The following C9 variants were observed in gnomAD, a reference collection of about 807,000 sequenced individuals.
C9 encodes the protein complement C9.
C9 carries 63 observed loss-of-function variants against 65.4 expected under a neutral mutation model. That is an observed-to-expected ratio of 0.96 (90% CI 0.79 to 1.19). The LOEUF (loss-of-function observed/expected upper bound fraction) is 1.19. Ranked by LOEUF, C9 falls within the 50% of genes most tolerant of loss-of-function variation. C9 has a pLI of 0.00. For missense variants in C9, 744 were observed against 670.1 expected, an observed-to-expected ratio of 1.11 and a Z score of -1.22; for synonymous variants, 229 against 227.9, an observed-to-expected ratio of 1.00 and a Z score of -0.04.
At chr5:39,335,862 A>G (rs1414922429) in intron 4 of C9, among the ~76,000 whole-genome samples, 1 of 152,170 alleles carries the variant, frequency 6.6e-6, no homozygotes, top group Non-Finnish European at 1.5e-5. Flanking sequence ...GGATGGGGCT[A>G]GTGCAGGAGA....
At chr5:39,317,508 T>G (rs1182442513) in intron 5 of C9, among the ~76,000 whole-genome samples, 1 of 152,202 alleles carries the variant, frequency 6.6e-6, no homozygotes, top group Non-Finnish European at 1.5e-5. Context: ...CCATCTTGAG[T>G]TAATTTTTGT....
chr5:39,331,750 A>G lies in C9; in HGVS notation c.541T>C (p.Cys181Arg). 1 of 1,613,132 alleles carries G rather than the reference A, an allele frequency of 6.2e-7. No individual in the cohort carries two copies. Among genetic ancestry groups the G allele is most frequent in the East Asian group, 2.2e-5 (1 of 44,868 alleles). The part of the protein sequence containing the change: ...PFDNEFYNGL[C>R]NRDRDGNTLT... ...GTGTTTCCATCCCGATCCCGGTTAC[A>G]GAGTCCATTGTAGAACTCATTGTCA... The change falls in exon 5 of 11, where the codon TGT becomes CGT. Residue 181 changes from cysteine (C) to arginine (R), a missense_variant. Physicochemically the swap from Cys to Arg is radical, Grantham distance 180. Coordinates refer to ENST00000263408, the MANE Select transcript of C9 (RefSeq NM_001737.5).
At chr5:39,346,755 T>C (rs1754205488) in intron 1 of C9, among the ~76,000 whole-genome samples, 1 of 152,160 alleles carries the variant, frequency 6.6e-6, no homozygotes, top group South Asian at 2.1e-4. Context: ...TGATGAACAT[T>C]GATGCAAAAA....
intron 6 of C9, among the ~76,000 whole-genome samples, chr5:39,313,227 A>G (rs1753517865): frequency 6.6e-6 from 1 of 152,090 alleles, no homozygotes. Context: ...AAATTTATTC[A>G]GTTTTCTATA....
chr5:39,351,842 C>T (rs1406184879), intron 1 of C9, among the ~76,000 whole-genome samples: 1 of 152,218 alleles, frequency 6.6e-6, no homozygotes, highest in African/African-American at 2.4e-5. Flanking sequence ...GACCTCCAAA[C>T]TCTTCCAACC....
intron 4 of C9, among the ~76,000 whole-genome samples, chr5:39,334,033 C>T (rs2111935596): frequency 6.6e-6 from 1 of 151,856 alleles, no homozygotes; most frequent in East Asian, 1.9e-4. Context: ...CCGGCCGCCA[C>T]CCCGTCTGGG....
intron 4 of C9, among the ~76,000 whole-genome samples, chr5:39,340,257 C>T (rs1203151737): frequency 6.6e-6 from 1 of 152,168 alleles, no homozygotes; most frequent in East Asian, 1.9e-4. Flanking sequence ...AGACACATTA[C>T]ATTATAGGTG....
intron 9 of C9, among the ~76,000 whole-genome samples, chr5:39,299,325 TAGAGA>T (rs1159917474): frequency 6.6e-6 from 1 of 152,034 alleles, no homozygotes; most frequent in Non-Finnish European, 1.5e-5. Context: ...ATCTCTCTCC[TAGAGA>T]AAAGAAAAAT....
chr5:39,316,544 G>A (rs540681498), intron 5 of C9, among the ~76,000 whole-genome samples: 2 of 151,992 alleles, frequency 1.3e-5, no homozygotes, highest in South Asian at 2.1e-4. Context: ...TTTCCCTAAC[G>A]TGTCCATGTG....
intron 1 of C9, among the ~76,000 whole-genome samples, chr5:39,350,329 G>C (rs1285292384): frequency 1.3e-5 from 2 of 152,176 alleles, no homozygotes; most frequent in Non-Finnish European, 2.9e-5. Context: ...TGGGAGATGA[G>C]TGGGGACACA....
At chr5:39,361,297 G>A (rs547259381) in intron 1 of C9, among the ~76,000 whole-genome samples, 6 of 152,206 alleles carry the variant, frequency 3.9e-5, no homozygotes, top group Non-Finnish European at 7.4e-5. Flanking sequence ...AGGTGGGAGC[G>A]AAGAAGTGTT....
chr5:39,315,934 T>A lies in C9; in HGVS notation c.711A>T (p.Ala237=). 1 of 1,610,540 alleles carries A rather than the reference T, an allele frequency of 6.2e-7. No individual in the cohort carries two copies. The highest frequency in any genetic ancestry group is 8.5e-7 in the Non-Finnish European group (1 of 1,177,000). The part of the protein sequence containing the change: ...IIQEKTSNFN[A]AISLKFTPTE... Reference sequence around the variant, plus strand: ...TGGGTGTAAATTTTAGAGATATAGCTGCATTAAAATTTGATGTCTTCTCTT... The same window carrying A: ...TGGGTGTAAATTTTAGAGATATAGCAGCATTAAAATTTGATGTCTTCTCTT... Residue 237 remains alanine (A), a synonymous_variant, in exon 6 of 11, where the codon GCA becomes GCT. Coordinates refer to ENST00000263408, the MANE Select transcript of C9 (RefSeq NM_001737.5).
At chr5:39,312,430 T>C (rs1246426807) in intron 6 of C9, among the ~76,000 whole-genome samples, 1 of 152,176 alleles carries the variant, frequency 6.6e-6, no homozygotes, top group Non-Finnish European at 1.5e-5. Context: ...TCCCAAAACA[T>C]ATGAATAATA....
chr5:39,314,059 C>A (rs1753532270), intron 6 of C9, among the ~76,000 whole-genome samples: 1 of 152,148 alleles, frequency 6.6e-6, no homozygotes, highest in Admixed American at 6.6e-5. Flanking sequence ...TTTAGCAAGA[C>A]TCCTTGCTTT....
chr5:39,288,782 G>T lies in C9; in HGVS notation c.1586C>A (p.Ala529Asp). The T allele has an allele frequency of 6.2e-7, 1 of 1,612,192 alleles. No individual in the cohort carries two copies. Among genetic ancestry groups the T allele is most frequent in the East Asian group, 2.2e-5 (1 of 44,774 alleles). The stretch of plus-strand genomic sequence containing the variant: ...AATTCCCTCAAATTTGAATGGGCAG[G>T]CACACAAACACTTTCCATCCATTAG... ...VILMDGKCLCACPFKFEGIAC... is the reference protein window; with the variant it reads ...VILMDGKCLCDCPFKFEGIAC... The change falls in exon 10 of 11, where the codon GCC becomes GAC. Residue 529 changes from alanine to aspartate, a missense_variant. Coordinates refer to ENST00000263408, the MANE Select transcript of C9 (RefSeq NM_001737.5).
chr5:39,313,305 C>T (rs1753519306), intron 6 of C9, among the ~76,000 whole-genome samples: 2 of 152,276 alleles, frequency 1.3e-5, no homozygotes, highest in Middle Eastern at 6.8e-3. Flanking sequence ...TCTGACCTCA[C>T]TACTCCAACA....
At chr5:39,343,959 G>T (rs1481969438) in intron 1 of C9, among the ~76,000 whole-genome samples, 2 of 151,564 alleles carry the variant, frequency 1.3e-5, no homozygotes, top group African/African-American at 4.9e-5. Flanking sequence ...TGCAGCTGAG[G>T]ATCATGACTG....
intron 1 of C9, among the ~76,000 whole-genome samples, chr5:39,359,339 T>C (rs933804154): frequency 2.0e-5 from 3 of 151,762 alleles, no homozygotes; most frequent in African/African-American, 7.3e-5. Flanking sequence ...AAGCAATTGG[T>C]CACTGGGCTC....
intron 5 of C9, among the ~76,000 whole-genome samples, chr5:39,331,102 T>A (rs1481757929): frequency 6.6e-6 from 1 of 152,192 alleles, no homozygotes; most frequent in Non-Finnish European, 1.5e-5. Flanking sequence ...TATTAATCCT[T>A]TTAATGGTGG....
Sources: gnomAD v4.1 joint callset for allele counts (sites outside exome capture counted in the v4.1 genomes callset) on GRCh38, gnomAD v4.1.1 for gene constraint, MANE v1.5 for transcripts, NCBI Gene and HGNC (gene_info 2026-07-23, HGNC 2026-07-21) for gene names.